The following VGLL4 variants were observed in gnomAD, a reference collection of about 807,000 sequenced individuals.
The protein encoded by VGLL4 is transcription cofactor vestigial-like protein 4.
In VGLL4, 7 loss-of-function variants were observed where a neutral mutation model predicts 21.0. The observed-to-expected ratio is 0.33, with a 90% CI of 0.19 to 0.63. The LOEUF (loss-of-function observed/expected upper bound fraction) is 0.63. Among genes scored for constraint, VGLL4 ranks in the 20% least tolerant of loss-of-function variants. The pLI, the probability that VGLL4 is intolerant of heterozygous loss-of-function variation, is 0.78. For missense variants in VGLL4, 394 were observed against 425.7 expected, an observed-to-expected ratio of 0.93 and a Z score of 0.66; for synonymous variants, 222 against 173.2, an observed-to-expected ratio of 1.28 and a Z score of -2.21.
chr3:11,649,656 T>C (rs1325903388), intron 2 of VGLL4, among the ~76,000 whole-genome samples: 1 of 152,220 alleles, frequency 6.6e-6, no homozygotes, highest in African/African-American at 2.4e-5. Context: ...TCTTTAGAAC[T>C]TTGGAACATT....
At chr3:11,615,804 A>G (rs17034817) in intron 1 of VGLL4, among the ~76,000 whole-genome samples, 24,250 of 152,168 alleles carry the variant, frequency 0.16, 2,644 homozygotes, top group East Asian at 0.32. Context: ...TTTTCATACA[A>G]AACACATTGA....
At chr3:11,670,800 G>A (rs773307170) in intron 2 of VGLL4, among the ~76,000 whole-genome samples, 41 of 152,306 alleles carry the variant, frequency 2.7e-4, no homozygotes, top group Non-Finnish European at 4.6e-4. Flanking sequence ...CACTTTGGGA[G>A]GCTGAGGCTG....
At chr3:11,572,972 G>T (rs955410324) in intron 2 of VGLL4, among the ~76,000 whole-genome samples, 2 of 151,830 alleles carry the variant, frequency 1.3e-5, no homozygotes, top group Admixed American at 6.6e-5. Flanking sequence ...GTTTGAGACC[G>T]GCCTGACCAA....
chr3:11,658,825 G>C (rs771896712), intron 2 of VGLL4, among the ~76,000 whole-genome samples: 16 of 152,010 alleles, frequency 1.1e-4, no homozygotes, highest in African/African-American at 2.9e-4. Context: ...ATTTTGAAGA[G>C]CCAAAAAGTG....
intron 2 of VGLL4, among the ~76,000 whole-genome samples, chr3:11,677,787 C>G (rs981340664): frequency 3.3e-5 from 5 of 151,816 alleles, no homozygotes; most frequent in African/African-American, 1.2e-4. Flanking sequence ...CACCTGTAGT[C>G]CCAGCTACTT....
Position 11,584,730 on chromosome 3 carries a change from A to G in VGLL4, c.272+17103T>C, listed in dbSNP as rs190442839. Among the ~76,000 whole-genome samples the G allele has an allele frequency of 6.6e-5, 10 of 152,312 alleles. No homozygotes were observed. In the East Asian group the frequency reaches 1.9e-3, roughly 29 times the overall value. On this transcript the variant is annotated intron_variant, in intron 2 of 4. Coordinates refer to ENST00000430365, the MANE Select transcript of VGLL4 (RefSeq NM_001128219.3). ...AACCTAGTTTAAGGAAAAAGGGGCA[A>G]CTTACTGGAAAGATACTGTGATATT...
At chr3:11,650,653 A>T (rs1465071066) in intron 2 of VGLL4, among the ~76,000 whole-genome samples, 2 of 152,126 alleles carry the variant, frequency 1.3e-5, no homozygotes, top group Non-Finnish European at 2.9e-5. Context: ...GTTTCAAGTA[A>T]GCTGGATATT....
chr3:11,647,956 T>C (rs2075817004), upstream of VGLL4, among the ~76,000 whole-genome samples: 4 of 150,650 alleles, frequency 2.7e-5, no homozygotes, highest in South Asian at 8.4e-4. Context: ...ATGTAGATTC[T>C]GATTGTACTT....
At position 11,691,624 on chromosome 3, in the gene VGLL4, G is replaced by A. The variant is rs139421389; in HGVS notation, c.64+11347C>T. ...CTTGGACAGGAGTTACGGGCCTTCC[G>A]TCCTCACTGCTCCCTATAGTCTTAC... On this transcript the variant is annotated intron_variant, in intron 2 of 5. Coordinates refer to the VGLL4 transcript ENST00000273038. 2.8e-3 allele frequency among the ~76,000 whole-genome samples: 428 copies of A among 152,216 alleles called. 3 individuals are homozygous for A. The highest frequency in any genetic ancestry group is 9.9e-3 in the African/African-American group (410 of 41,522).
At chr3:11,570,873 C>T (rs547463040) in intron 2 of VGLL4, among the ~76,000 whole-genome samples, 3 of 152,322 alleles carry the variant, frequency 2.0e-5, no homozygotes, top group African/African-American at 7.2e-5. Context: ...ATCACCGTGG[C>T]TTCTCTCCCC....
chr3:11,584,420 G>A (rs1270834938), intron 2 of VGLL4, among the ~76,000 whole-genome samples: 1 of 152,030 alleles, frequency 6.6e-6, no homozygotes, highest in Non-Finnish European at 1.5e-5. Flanking sequence ...TGAATAAATG[G>A]TAGCAGTCAC....
chr3:11,678,103 G>C lies in VGLL4; in HGVS notation c.64+24868C>G, dbSNP rs115094537. Among the ~76,000 whole-genome samples the C allele has an allele frequency of 7.6e-3, 1,156 of 152,230 alleles. 7 individuals carry two copies. The highest frequency in any genetic ancestry group is 0.02 in the Middle Eastern group (6 of 294). ...GAGTCTCACTCTGTCGCCCAGGCTA[G>C]AGTGCAGTAGCGCCATCTCAGCTCA... On this transcript the variant is annotated intron_variant, in intron 2 of 5. Transcript: ENST00000273038.
At chr3:11,624,083 T>G (rs911373717) in intron 1 of VGLL4, among the ~76,000 whole-genome samples, 2 of 152,178 alleles carry the variant, frequency 1.3e-5, no homozygotes, top group African/African-American at 4.8e-5. Context: ...TCCTATTTCA[T>G]GTCTAGTACA....
chr3:11,585,435 A>G (rs1185653666), intron 2 of VGLL4, among the ~76,000 whole-genome samples: 1 of 150,906 alleles, frequency 6.6e-6, no homozygotes, highest in Non-Finnish European at 1.5e-5. Flanking sequence ...TCCATCTTAA[A>G]AAAAAAAAAA....
chr3:11,714,132 G>C (rs1254524786), intron 1 of VGLL4, among the ~76,000 whole-genome samples: 2 of 152,178 alleles, frequency 1.3e-5, no homozygotes, highest in Non-Finnish European at 2.9e-5. Flanking sequence ...TACCCGGTGA[G>C]GTACATCTAT....
At chr3:11,623,062 A>G (rs142571781) in intron 1 of VGLL4, among the ~76,000 whole-genome samples, 18 of 152,274 alleles carry the variant, frequency 1.2e-4, no homozygotes, top group Non-Finnish European at 2.6e-4. Flanking sequence ...CCTTTTAGTT[A>G]TGGATTCCAA....
At chr3:11,598,319 G>A (rs1436182533) in intron 2 of VGLL4, among the ~76,000 whole-genome samples, 3 of 151,878 alleles carry the variant, frequency 2.0e-5, no homozygotes, top group African/African-American at 4.8e-5. Context: ...GAGCCACCTC[G>A]CCCGGCCTCT....
At chr3:11,584,735 C>G (rs1008051863) in intron 2 of VGLL4, among the ~76,000 whole-genome samples, 1 of 151,590 alleles carries the variant, frequency 6.6e-6, no homozygotes, top group Non-Finnish European at 1.5e-5. Context: ...GGGCAACTTA[C>G]TGGAAAGATA....
At chr3:11,698,347 A>AAAAAAAG (rs2076632782) in intron 2 of VGLL4, among the ~76,000 whole-genome samples, 1 of 152,130 alleles carries the variant, frequency 6.6e-6, no homozygotes, top group Admixed American at 6.6e-5. Flanking sequence ...CTCCTCTACT[A>AAAAAAAG]AAATACAAAA....
Sources: allele counts gnomAD v4.1 joint callset (sites outside exome capture counted in the v4.1 genomes callset), GRCh38; gene constraint gnomAD v4.1.1; transcripts MANE v1.5; gene names NCBI Gene and HGNC (gene_info 2026-07-23, HGNC 2026-07-21).